Variants in BAIAP2 observed in about 807,000 individuals in gnomAD.
The protein encoded by BAIAP2 is BAR/IMD domain-containing adapter protein 2.
Under a neutral mutation model 63.0 loss-of-function variants are expected in BAIAP2, and 18 were observed. The ratio of observed to expected loss-of-function variants is 0.29; its 90% CI spans 0.20 to 0.42. BAIAP2 has a LOEUF of 0.42. Among genes scored for constraint, BAIAP2 ranks in the 10% least tolerant of loss-of-function variants. BAIAP2 has a pLI of 1.00. For synonymous variants in BAIAP2, 386 were observed against 307.6 expected (o/e 1.25, Z -2.67); for missense variants, 610 against 734.3 (o/e 0.83, Z 1.96).
At position 81,115,906 on chromosome 17, in the gene BAIAP2, A is replaced by G. The variant is rs1451140430; in HGVS notation, c.*67A>G. 2.2e-5 allele frequency: 35 copies of G among 1,600,874 alleles called. No individual in the cohort carries two copies. The highest frequency in any genetic ancestry group is 8.5e-5 in the Admixed American group (5 of 59,004). ...CCCTTCCCATGTAGCCTGTTCTGTC[A>G]TCATCTGTGCGTTCCTGTGTAGAGA... On this transcript the variant is annotated 3_prime_UTR_variant, in exon 14 of 14. Transcript: ENST00000428708.
chr17:81,042,552 G>T (rs2047232260), intron 1 of BAIAP2, among the ~76,000 whole-genome samples: 2 of 152,184 alleles, frequency 1.3e-5, no homozygotes, highest in South Asian at 4.1e-4. Flanking sequence ...GTCCAGGCGT[G>T]CCCCTGCCTG....
intron 1 of BAIAP2, among the ~76,000 whole-genome samples, chr17:81,049,542 C>T (rs2048343141): frequency 6.6e-6 from 1 of 152,250 alleles, no homozygotes; most frequent in Admixed American, 6.5e-5. Context: ...CCGATCTCCT[C>T]CCCATCCCCT....
At chr17:81,074,267 A>AGTGCCTGT (rs74276868) in intron 3 of BAIAP2, among the ~76,000 whole-genome samples, 46,682 of 151,786 alleles carry the variant, frequency 0.31, 7,773 homozygotes, top group East Asian at 0.51. Flanking sequence ...GGCTGAAAAA[A>AGTGCCTGT]GTGCCTGTGT....
intron 1 of BAIAP2, chr17:81,036,041 C>T (rs1280161027): frequency 6.6e-6 from 1 of 152,242 alleles, no homozygotes; most frequent in African/African-American, 2.4e-5. Flanking sequence ...TCCACGTTCT[C>T]GTCTGCGAAA....
intron 3 of BAIAP2, among the ~76,000 whole-genome samples, chr17:81,062,435 C>T (rs1007026068): frequency 1.2e-4 from 18 of 151,834 alleles, no homozygotes; most frequent in Admixed American, 9.2e-4. Flanking sequence ...CGTCTTGGTT[C>T]GCTTCATTTT....
At chr17:81,094,234 C>A (rs541222099) in intron 6 of BAIAP2, among the ~76,000 whole-genome samples, 70 of 152,282 alleles carry the variant, frequency 4.6e-4, no homozygotes, top group African/African-American at 1.6e-3. Context: ...GTCTGTGATC[C>A]TCTAGCCTGT....
chr17:81,076,768 A>G (rs2053730332), intron 3 of BAIAP2, among the ~76,000 whole-genome samples: 1 of 152,184 alleles, frequency 6.6e-6, no homozygotes, highest in Non-Finnish European at 1.5e-5. Flanking sequence ...CAGGAGTTCA[A>G]GACCAGCCTG....
At chr17:81,077,428 C>T (rs2053837892) in intron 3 of BAIAP2, among the ~76,000 whole-genome samples, 1 of 151,962 alleles carries the variant, frequency 6.6e-6, no homozygotes, top group Non-Finnish European at 1.5e-5. Context: ...ATTAGCTGGG[C>T]GTGGTGGCGC....
At chr17:81,067,065 C>T (rs2051610951) in intron 3 of BAIAP2, among the ~76,000 whole-genome samples, 1 of 152,260 alleles carries the variant, frequency 6.6e-6, no homozygotes, top group Admixed American at 6.5e-5. Flanking sequence ...ACAGCGGCGC[C>T]TGCAGATGAG....
intron 1 of BAIAP2, among the ~76,000 whole-genome samples, chr17:81,045,154 T>C (rs1052470223): frequency 3.9e-5 from 6 of 152,210 alleles, no homozygotes; most frequent in African/African-American, 1.4e-4. Flanking sequence ...CTTGTGGACC[T>C]CTGCTCCTTG....
chr17:81,075,494 G>C (rs2053508349), intron 3 of BAIAP2, among the ~76,000 whole-genome samples: 1 of 152,220 alleles, frequency 6.6e-6, no homozygotes, highest in African/African-American at 2.4e-5. Context: ...TGCATGCCGT[G>C]CTGTCTTCAG....
intron 6 of BAIAP2, 50 bp from the exon 7 acceptor site, chr17:81,099,878 A>G: frequency 6.3e-7 from 1 of 1,596,462 alleles, no homozygotes; most frequent in Non-Finnish European, 8.6e-7. Context: ...ACCGGTCCTG[A>G]CAGGCGTCCT....
chr17:81,115,920 C>T lies in BAIAP2; in HGVS notation c.*81C>T. The T allele has an allele frequency of 6.3e-7, 1 of 1,586,764 alleles. No individual in the cohort carries two copies. Among genetic ancestry groups the T allele is most frequent in the Non-Finnish European group, 8.6e-7 (1 of 1,166,674 alleles). Reference sequence around the variant, plus strand: ...CCTGTTCTGTCATCATCTGTGCGTTCCTGTGTAGAGAACATCCAGGCCCCG... The same window carrying T: ...CCTGTTCTGTCATCATCTGTGCGTTTCTGTGTAGAGAACATCCAGGCCCCG... On this transcript the variant is annotated 3_prime_UTR_variant, in exon 14 of 14. Coordinates refer to ENST00000428708, the MANE Select transcript of BAIAP2 (RefSeq NM_001144888.2).
chr17:81,075,443 A>G (rs2053496861), intron 3 of BAIAP2, among the ~76,000 whole-genome samples: 1 of 152,166 alleles, frequency 6.6e-6, no homozygotes. Context: ...CGTCGCCTCA[A>G]GTGGGCCGCC....
chr17:81,108,536 G>A (rs201829234), intron 13 of BAIAP2, 27 bp downstream of exon 13: 4 of 1,613,786 alleles, frequency 2.5e-6, no homozygotes, highest in Middle Eastern at 1.6e-4. Flanking sequence ...ACCTGTCTTT[G>A]GGACCGTGGG....
At chr17:81,071,354 C>T (rs931551037) in intron 3 of BAIAP2, among the ~76,000 whole-genome samples, 2 of 152,138 alleles carry the variant, frequency 1.3e-5, no homozygotes, top group East Asian at 1.9e-4. Flanking sequence ...TGTCCTTCCC[C>T]GTGATGAGGG....
intron 12 of BAIAP2, 172 bp downstream of exon 12, chr17:81,107,079 G>A (rs1056561048): frequency 1.4e-5 from 11 of 798,028 alleles, no homozygotes; most frequent in Middle Eastern, 3.8e-4. Context: ...CCCCTGCTTC[G>A]GCCTCAGGCT....
At chr17:81,051,199 C>T (rs74002021) in intron 1 of BAIAP2, among the ~76,000 whole-genome samples, 2 of 151,910 alleles carry the variant, frequency 1.3e-5, no homozygotes, top group Admixed American at 6.6e-5. Context: ...CCCTTTAGGA[C>T]AGAGGCCTGC....
chr17:81,105,147 C>CCCA (rs1568182221), intron 10 of BAIAP2: 41 of 169,298 alleles, frequency 2.4e-4, no homozygotes, highest in Non-Finnish European at 3.4e-4. Flanking sequence ...GGTCTTTCCC[C>CCCA]ACGGCAGGGG....
Sources: gnomAD v4.1 joint callset for allele counts (sites outside exome capture counted in the v4.1 genomes callset) on GRCh38, gnomAD v4.1.1 for gene constraint, MANE v1.5 for transcripts, NCBI Gene and HGNC (gene_info 2026-07-23, HGNC 2026-07-21) for gene names.